DYDC1: variants seen among roughly 807,000 people sequenced by gnomAD.
DYDC1 encodes DPY30 domain-containing protein 1.
In DYDC1, 21 loss-of-function variants were observed where a neutral mutation model predicts 27.9. The ratio of observed to expected loss-of-function variants is 0.75; its 90% confidence interval spans 0.53 to 1.08. The LOEUF is 1.08. Among genes scored for constraint, DYDC1 ranks in the 50% least tolerant of loss-of-function variants. The pLI, the probability that DYDC1 is intolerant of heterozygous loss-of-function variation, is 0.00. For missense variants in DYDC1, 202 were observed against 205.9 expected (o/e 0.98, Z 0.12); for synonymous variants, 67 against 65.8 (o/e 1.02, Z -0.09).
chr10:80,346,368 C>T (rs778458295), intron 3 of DYDC1, among the ~76,000 whole-genome samples: 12 of 150,738 alleles, frequency 8.0e-5, no homozygotes, highest in Non-Finnish European at 1.8e-4. Flanking sequence ...ATGGCTGCGC[C>T]AATTTGTATT....
At chr10:80,348,505 C>G (rs1335557413) in intron 3 of DYDC1, among the ~76,000 whole-genome samples, 1 of 152,204 alleles carries the variant, frequency 6.6e-6, no homozygotes, top group African/African-American at 2.4e-5. Flanking sequence ...ACGTCCAGTG[C>G]TGTCAAAACT....
At chr10:80,342,158 C>T in intron 4 of DYDC1, 111 bp downstream of exon 4, 1 of 983,434 alleles carries the variant, frequency 1.0e-6, no homozygotes. Flanking sequence ...TAGTATGTGG[C>T]ATGTCTTCAG....
At chr10:80,347,348 C>T (rs921310013) in intron 3 of DYDC1, among the ~76,000 whole-genome samples, 2 of 124,990 alleles carry the variant, frequency 1.6e-5, no homozygotes, top group African/African-American at 6.2e-5. Context: ...AGATTAACTC[C>T]TTATCAGACC....
At chr10:80,351,508 C>T (rs1361808859) in intron 3 of DYDC1, among the ~76,000 whole-genome samples, 1 of 152,092 alleles carries the variant, frequency 6.6e-6, no homozygotes, top group Admixed American at 6.6e-5. Flanking sequence ...TCCATCCACA[C>T]TGTTCCCGCC....
chr10:80,337,550 A>G (rs1842174508), intron 6 of DYDC1: 1 of 487,852 alleles, frequency 2.0e-6, no homozygotes, highest in Non-Finnish European at 2.7e-6. Context: ...ATGAGTCTCC[A>G]CTGCCTTCAG....
Position 80,344,865 on chromosome 10 carries a change from T to C in DYDC1, c.250-2504A>G, listed in dbSNP as rs1437879919. 3.5e-5 allele frequency: 6 copies of C among 172,516 alleles called. No homozygotes were observed. The South Asian group carries it at 7.5e-4, about 22-fold the overall frequency. The allele number at this position is 172,516 out of a possible 1,614,324, so 10.7% of individuals were successfully genotyped here. ...CTTCCCAGTGTTGGGTATGTCTTTA[T>C]CAGCTGCTTGAAAATGGACTAATAC... On this transcript the variant is annotated intron_variant, in intron 3 of 6. Transcript: ENST00000372202.
At chr10:80,342,874 G>A (rs1288040204) in intron 3 of DYDC1, among the ~76,000 whole-genome samples, 5 of 151,684 alleles carry the variant, frequency 3.3e-5, no homozygotes, top group South Asian at 2.1e-4. Context: ...TCAGCTACTC[G>A]GGAGGCTGAG....
intron 6 of DYDC1, 92 bp from the exon 7 acceptor site, chr10:80,336,277 G>A: frequency 4.9e-6 from 7 of 1,440,416 alleles, no homozygotes; most frequent in South Asian, 1.5e-5. Context: ...TAACTTCTAT[G>A]TGACTACATG....
intron 2 of DYDC1, 47 bp downstream of exon 2, chr10:80,352,408 G>T: frequency 1.3e-6 from 2 of 1,501,582 alleles, no homozygotes; most frequent in South Asian, 1.4e-5. Context: ...AGACAAGTTG[G>T]ACCAGTTTTT....
At chr10:80,343,630 A>C (rs1318597094) in intron 3 of DYDC1, among the ~76,000 whole-genome samples, 1 of 151,978 alleles carries the variant, frequency 6.6e-6, no homozygotes, top group Non-Finnish European at 1.5e-5. Context: ...GAGAAAAAAA[A>C]AAGAAAAATA....
chr10:80,344,823 C>A, intron 3 of DYDC1: 1 of 231,430 alleles, frequency 4.3e-6, no homozygotes, highest in Non-Finnish European at 8.6e-6. Flanking sequence ...ACTGTAAGTC[C>A]AATTAAACCT....
At chr10:80,350,006 C>A (rs1191577217) in intron 3 of DYDC1, among the ~76,000 whole-genome samples, 2 of 152,184 alleles carry the variant, frequency 1.3e-5, no homozygotes, top group Non-Finnish European at 2.9e-5. Context: ...GAGTTCCCAA[C>A]CTCCAGCTTA....
At chr10:80,344,749 GCCA>G (rs1264842712) in intron 3 of DYDC1, 1 of 323,644 alleles carries the variant, frequency 3.1e-6, no homozygotes, top group African/African-American at 2.2e-5. Context: ...TTCTCTTGCT[GCCA>G]CCATGTAAGA....
chr10:80,338,121 G>T (rs931336482), intron 6 of DYDC1: 1 of 985,300 alleles, frequency 1.0e-6, no homozygotes, highest in Non-Finnish European at 1.2e-6. Flanking sequence ...TCTCATTAAG[G>T]CATTAATTTG....
chr10:80,338,822 A>C (rs1589497129), intron 5 of DYDC1, among the ~76,000 whole-genome samples: 1 of 152,194 alleles, frequency 6.6e-6, no homozygotes, highest in African/African-American at 2.4e-5. Flanking sequence ...ATTTAAAATA[A>C]TTGTAAGTAA....
rs1225584666 is a variant in DYDC1 at position 80,352,499 on chromosome 10, A to G, written c.103T>C (p.Leu35=). The change falls in exon 2 of 7, where the codon TTG becomes CTG. Residue 35 remains leucine (L), a synonymous_variant. Transcript: ENST00000372202. The part of the protein sequence containing the change: ...RPVDPIEYLA[L]WIYKYKENVT... ...TTTTCCTTATACTTGTAAATCCACA[A>G]TGCTAAATATTCTATCGGATCCACT... 5.0e-6 allele frequency: 8 copies of G among 1,613,214 alleles called. No homozygotes were observed. Among genetic ancestry groups the G allele is most frequent in the Non-Finnish European group, 6.8e-6 (8 of 1,179,686 alleles).
Position 80,352,646 on chromosome 10 carries a change from T to C in DYDC1, c.-9-36A>G, listed in dbSNP as rs571376121. 5.7e-6 allele frequency: 9 copies of C among 1,576,394 alleles called. No homozygotes were observed. The Admixed American group carries it at 9.5e-5, about 17-fold the overall frequency. On this transcript the variant is annotated intron_variant, in intron 1 of 6. Coordinates refer to ENST00000372202, the MANE Select transcript of DYDC1 (RefSeq NM_001269053.2). ...AGTGTTTTTGCATTACTGCAGGATA[T>C]TTTCAATAAAGTCACTATAAAACTA... is the stretch of plus-strand genomic sequence containing the variant.
intron 1 of DYDC1, 116 bp downstream of exon 1, chr10:80,356,596 G>C (rs910701586): frequency 1.0e-6 from 1 of 985,536 alleles, no homozygotes; most frequent in African/African-American, 1.7e-5. Flanking sequence ...CTCCGCCTCA[G>C]GTGAGTCCTG....
chr10:80,342,475 T>C, intron 3 of DYDC1, 114 bp from the exon 4 acceptor site: 2 of 908,810 alleles, frequency 2.2e-6, no homozygotes, highest in Admixed American at 3.0e-5. Context: ...ACTAATACTT[T>C]AGTTTCTACA....
Sources: allele counts gnomAD v4.1 joint callset (sites outside exome capture counted in the v4.1 genomes callset), GRCh38; gene constraint gnomAD v4.1.1; transcripts MANE v1.5; gene names NCBI Gene and HGNC (gene_info 2026-07-23, HGNC 2026-07-21).